Variants in GPR89B observed in about 807,000 individuals in gnomAD.
GPR89B encodes G protein-coupled receptor 89B.
GPR89B carries 25 observed loss-of-function variants against 52.4 expected under a neutral mutation model. The ratio of observed to expected loss-of-function variants is 0.48; its 90% CI spans 0.35 to 0.67. GPR89B has a LOEUF of 0.67. Among genes scored for constraint, GPR89B ranks in the 30% least tolerant of loss-of-function variants. GPR89B has a pLI of 0.01. For synonymous variants in GPR89B, 52 were observed against 151.2 expected, an observed-to-expected ratio of 0.34 and a Z score of 4.81; for missense variants, 146 against 450.2, an observed-to-expected ratio of 0.32 and a Z score of 6.11.
intron 7 of GPR89B, among the ~76,000 whole-genome samples, chr1:147,955,342 G>A (rs1157222818): frequency 6.6e-6 from 1 of 151,960 alleles, no homozygotes; most frequent in Non-Finnish European, 1.5e-5. Context: ...CTTGGCTGTT[G>A]TAAATAATAC....
chr1:148,016,896 A>G, the GPR89B span, among the ~76,000 whole-genome samples: 2 of 151,288 alleles, frequency 1.3e-5, no homozygotes, highest in East Asian at 1.9e-4. Flanking sequence ...CATATTTTCA[A>G]TTATTCATGG....
At chr1:147,936,381 T>C (rs1571222204) in intron 1 of GPR89B, among the ~76,000 whole-genome samples, 1 of 152,202 alleles carries the variant, frequency 6.6e-6, no homozygotes, top group Admixed American at 6.5e-5. Flanking sequence ...TGGCAAAATA[T>C]GTACTTCCAT....
chr1:147,997,457 A>C (rs1394709380), downstream of GPR89B, among the ~76,000 whole-genome samples: 1 of 152,054 alleles, frequency 6.6e-6, no homozygotes, highest in Non-Finnish European at 1.5e-5. Flanking sequence ...TTTGGACTCT[A>C]AGATCTACAG....
At chr1:148,002,418 T>C in the GPR89B span, among the ~76,000 whole-genome samples, 1 of 152,152 alleles carries the variant, frequency 6.6e-6, no homozygotes, top group Non-Finnish European at 1.5e-5. Flanking sequence ...CCCCAGTCCT[T>C]CTGTCTGATA....
intron 12 of GPR89B, 80 bp from the exon 13 acceptor site, chr1:147,992,422 A>T: frequency 7.1e-7 from 1 of 1,400,412 alleles, no homozygotes; most frequent in Non-Finnish European, 1.0e-6. Context: ...CTTTTAATCA[A>T]ATGTTAACCA....
At chr1:148,009,069 T>A in the GPR89B span, among the ~76,000 whole-genome samples, 1 of 152,184 alleles carries the variant, frequency 6.6e-6, no homozygotes, top group Admixed American at 6.5e-5. Flanking sequence ...CAAAGAGTCC[T>A]CAAGTGTCAG....
the GPR89B span, among the ~76,000 whole-genome samples, chr1:148,013,589 C>A: frequency 2.0e-5 from 3 of 152,004 alleles, no homozygotes; most frequent in African/African-American, 7.3e-5. Flanking sequence ...GCCTCCCGTT[C>A]CCTGAGGAGC....
At chr1:147,938,069 C>T (rs1272367716) in intron 2 of GPR89B, among the ~76,000 whole-genome samples, 3 of 152,116 alleles carry the variant, frequency 2.0e-5, no homozygotes, top group African/African-American at 7.2e-5. Context: ...GCTGCGGCTT[C>T]AGCCAGTCCC....
intron 3 of GPR89B, among the ~76,000 whole-genome samples, chr1:147,941,232 C>G (rs1183355669): frequency 3.9e-5 from 6 of 152,188 alleles, no homozygotes; most frequent in African/African-American, 7.2e-5. Context: ...TTACTCTCAG[C>G]TCAAAAGACT....
At chr1:147,947,364 CT>C (rs1293775589) in intron 5 of GPR89B, among the ~76,000 whole-genome samples, 7 of 151,394 alleles carry the variant, frequency 4.6e-5, no homozygotes, top group African/African-American at 1.7e-4. Flanking sequence ...AAGACCAATC[CT>C]TATGTAAAAT....
At chr1:148,010,956 G>T in the GPR89B span, 1 of 152,558 alleles carries the variant, frequency 6.6e-6, no homozygotes, top group African/African-American at 2.4e-5. Context: ...TTTGCTCGGT[G>T]TGTCTACTCA....
downstream of GPR89B, among the ~76,000 whole-genome samples, chr1:147,996,194 C>T (rs1436577209): frequency 6.6e-6 from 1 of 152,040 alleles, no homozygotes; most frequent in Non-Finnish European, 1.5e-5. Context: ...TCTTATCAGT[C>T]CCTACAGGGT....
chr1:147,936,741 A>G (rs1654126007), intron 2 of GPR89B, 55 bp downstream of exon 2: 2 of 1,459,044 alleles, frequency 1.4e-6, no homozygotes, highest in Non-Finnish European at 1.9e-6. Context: ...ATTGACAAGA[A>G]AAATGTCTCC....
chr1:147,949,666 G>C (rs1338964885), intron 5 of GPR89B, among the ~76,000 whole-genome samples: 4 of 131,652 alleles, frequency 3.0e-5, no homozygotes. Context: ...CTGGCCGGGC[G>C]GGGGGCTGAC....
At chr1:148,024,284 T>C in the GPR89B span, among the ~76,000 whole-genome samples, 1 of 151,852 alleles carries the variant, frequency 6.6e-6, no homozygotes, top group Non-Finnish European at 1.5e-5. Flanking sequence ...AGATAGGAAG[T>C]ATTCTAGGCT....
the GPR89B span, among the ~76,000 whole-genome samples, chr1:148,018,885 C>T: frequency 0.1 from 15,852 of 151,436 alleles, 1,129 homozygotes; most frequent in African/African-American, 0.19. Context: ...AGGCTGGTCT[C>T]GAACTCCTGA....
At chr1:147,957,506 T>G (rs1656204767) in intron 7 of GPR89B, among the ~76,000 whole-genome samples, 1 of 151,964 alleles carries the variant, frequency 6.6e-6, no homozygotes, top group Non-Finnish European at 1.5e-5. Flanking sequence ...ATTCATAGAT[T>G]CATTCACTTA....
At chr1:147,949,693 C>T (rs1199489907) in intron 5 of GPR89B, among the ~76,000 whole-genome samples, 2 of 137,604 alleles carry the variant, frequency 1.5e-5, no homozygotes, top group Non-Finnish European at 3.1e-5. Flanking sequence ...ACCTCCTTCG[C>T]GGACGGGGCA....
chr1:147,985,072 G>A (rs1280382675), intron 10 of GPR89B, among the ~76,000 whole-genome samples: 2 of 152,166 alleles, frequency 1.3e-5, no homozygotes. Context: ...AGGGGATCCA[G>A]CTATTGTGGA....
Sources: gnomAD v4.1 joint callset for allele counts (sites outside exome capture counted in the v4.1 genomes callset) on GRCh38, gnomAD v4.1.1 for gene constraint, MANE v1.5 for transcripts, NCBI Gene and HGNC (gene_info 2026-07-23, HGNC 2026-07-21) for gene names.